Variants in BSN observed in about 807,000 individuals in gnomAD.
BSN encodes bassoon presynaptic cytomatrix protein.
In BSN, 57 loss-of-function variants were observed where a neutral mutation model predicts 264.8. That is an observed-to-expected ratio of 0.22 (90% CI 0.17 to 0.27). BSN has a LOEUF of 0.27. Among genes scored for constraint, BSN ranks in the 10% least tolerant of loss-of-function variants. BSN has a pLI of 1.00. For missense variants in BSN, 4,615 were observed against 5,232.5 expected (o/e 0.88, Z 3.64); for synonymous variants, 2,059 against 2,137.3 (o/e 0.96, Z 1.01).
intron 1 of BSN, among the ~76,000 whole-genome samples, chr3:49,578,423 T>C (rs201785042): frequency 6.8e-6 from 1 of 146,524 alleles, no homozygotes; most frequent in Admixed American, 7.0e-5. Flanking sequence ...TTTTTTTTTT[T>C]ATAAGACGGA....
chr3:49,660,796 C>T lies in BSN; in HGVS notation c.8951C>T (p.Thr2984Ile). 2 of 1,613,196 alleles carry T rather than the reference C, an allele frequency of 1.2e-6. No homozygotes were observed. The highest frequency in any genetic ancestry group is 2.2e-5 in the South Asian group (2 of 91,088). Residue 2984 changes from threonine to isoleucine, a missense_variant, in exon 6 of 12, where the codon ACA becomes ATA. Around this residue, in one of 3 missense-constraint regions of BSN, gnomAD observed 3,415 missense variants for 3,866.4 expected, o/e 0.88. Coordinates refer to ENST00000296452, the MANE Select transcript of BSN (RefSeq NM_003458.4). The surrounding 1 kb of genome is among the most constrained non-coding windows in gnomAD (Gnocchi z 7.1). The stretch of plus-strand genomic sequence containing the variant: ...CTCAAGTACCTGGAGTTGGGTATCA[C>T]ACAACGCAAAGAGTCTTTGGCCAAA... ...AKLKYLELGI[T>I]QRKESLAKDR...
intron 1 of BSN, among the ~76,000 whole-genome samples, chr3:49,602,827 C>T (rs1230219435): frequency 1.3e-5 from 2 of 152,226 alleles, no homozygotes; most frequent in Non-Finnish European, 2.9e-5. Context: ...TGTAAAATGT[C>T]TGTCGCATGC....
intron 1 of BSN, among the ~76,000 whole-genome samples, chr3:49,606,824 A>G (rs1205002613): frequency 1.3e-5 from 2 of 151,982 alleles, no homozygotes; most frequent in East Asian, 3.9e-4. Context: ...ATGCCAAAAT[A>G]TTATTTGCAG....
Position 49,669,659 on chromosome 3 carries a change from C to T in BSN, c.*2174C>T, listed in dbSNP as rs995244287. 3.9e-5 allele frequency: 6 copies of T among 152,298 alleles called. No individual in the cohort carries two copies. The highest frequency in any genetic ancestry group is 2.6e-4 in the Admixed American group (4 of 15,288). 9.4% of individuals were successfully genotyped at this position (152,298 alleles called of 1,614,324 possible). A position where few individuals can be genotyped will look rare whatever the true frequency, so the allele number is the denominator to read the frequency against. ...TGGAGCTAGGGGGTCAATGGATGCT[C>T]AGGAAGAGCTGGGCCTTTGGCACTT... On this transcript the variant is annotated 3_prime_UTR_variant, in exon 12 of 12. Transcript: ENST00000296452.
chr3:49,651,496 C>G lies in BSN; in HGVS notation c.1987-47C>G, dbSNP rs533609888. Reference sequence around the variant, plus strand: ...GACAGGGAGGATTGGGTTCCCACCACGAGCTTTGCCATGGGGAGTCAGTGT... The same window carrying G: ...GACAGGGAGGATTGGGTTCCCACCAGGAGCTTTGCCATGGGGAGTCAGTGT... On this transcript the variant is annotated intron_variant, in intron 4 of 11. Transcript: ENST00000296452. The surrounding 1 kb of genome is among the most constrained non-coding windows in gnomAD (Gnocchi z 5.4). 1 of 1,519,032 alleles carries G rather than the reference C, an allele frequency of 6.6e-7. No individual in the cohort carries two copies. The highest frequency in any genetic ancestry group is 1.3e-5 in the South Asian group (1 of 76,334). 94.1% of individuals were successfully genotyped at this position (1,519,032 alleles called of 1,614,324 possible). A position where few individuals can be genotyped will look rare whatever the true frequency, so the allele number is the denominator to read the frequency against.
chr3:49,632,002 G>A (rs192426500), intron 2 of BSN, among the ~76,000 whole-genome samples: 21 of 152,254 alleles, frequency 1.4e-4, no homozygotes, highest in Non-Finnish European at 2.1e-4. Flanking sequence ...AGTAGAATAC[G>A]TAGCCCAGAA....
intron 1 of BSN, 126 bp downstream of exon 1, chr3:49,554,952 G>T: frequency 1.9e-6 from 1 of 540,296 alleles, no homozygotes; most frequent in Non-Finnish European, 2.7e-6. Context: ...GAACCCTGCC[G>T]GATTGGCGTG....
intron 2 of BSN, among the ~76,000 whole-genome samples, chr3:49,626,740 C>A (rs2052343462): frequency 6.6e-6 from 1 of 152,226 alleles, no homozygotes; most frequent in Non-Finnish European, 1.5e-5. Flanking sequence ...ATGGGACATC[C>A]CCTCCTCATG....
At chr3:49,643,261 C>T (rs2052480698) in intron 3 of BSN, 109 bp downstream of exon 3, 2 of 1,464,290 alleles carry the variant, frequency 1.4e-6, no homozygotes, top group Admixed American at 5.2e-5. Context: ...AGCCATGGGG[C>T]TGCTCCTGTA....
At chr3:49,574,178 G>T (rs1360849036) in intron 1 of BSN, among the ~76,000 whole-genome samples, 1 of 139,076 alleles carries the variant, frequency 7.2e-6, no homozygotes, top group East Asian at 2.1e-4. Context: ...ATGTTGCCCA[G>T]ACTGGTCTTG....
intron 3 of BSN, among the ~76,000 whole-genome samples, chr3:49,645,271 T>C (rs1458515678): frequency 6.6e-6 from 1 of 152,162 alleles, no homozygotes; most frequent in Non-Finnish European, 1.5e-5. Context: ...CTCATAGCTC[T>C]CCCTATCAAT....
At chr3:49,564,182 C>T (rs1559592695) in intron 1 of BSN, among the ~76,000 whole-genome samples, 1 of 152,162 alleles carries the variant, frequency 6.6e-6, no homozygotes, top group African/African-American at 2.4e-5. Context: ...CTCAGCATGT[C>T]ACTTGGACTA....
chr3:49,631,182 C>T (rs945722745), intron 2 of BSN, among the ~76,000 whole-genome samples: 2 of 152,056 alleles, frequency 1.3e-5, no homozygotes, highest in Non-Finnish European at 2.9e-5. Flanking sequence ...CCAAGAACCA[C>T]ACAAGCAAAC....
At chr3:49,605,499 A>AT (rs2052114426) in intron 1 of BSN, among the ~76,000 whole-genome samples, 1 of 5,252 alleles carries the variant, frequency 1.9e-4, no homozygotes, top group African/African-American at 8.0e-4. Flanking sequence ...TATTATATAT[A>AT]ATATATATTA....
At position 49,660,431 on chromosome 3, in the gene BSN, C is replaced by A; in HGVS notation, c.8641-55C>A. 6.6e-7 allele frequency: 1 copy of A among 1,512,656 alleles called. No homozygotes were observed. The highest frequency in any genetic ancestry group is 1.3e-5 in the South Asian group (1 of 74,720). 93.7% of individuals were successfully genotyped at this position (1,512,656 alleles called of 1,614,324 possible). A position where few individuals can be genotyped will look rare whatever the true frequency, so the allele number is the denominator to read the frequency against. ...GCCTGGGTTCTGCCACCCCACACCC[C>A]ATCAAGTCACCACACCTTGGGTCTC... On this transcript the variant is annotated intron_variant, in intron 5 of 11. Coordinates refer to ENST00000296452, the MANE Select transcript of BSN (RefSeq NM_003458.4). This position sits in a 1 kb window ranked among gnomAD's most constrained non-coding sequence, Gnocchi z 7.1.
At chr3:49,587,122 C>T (rs548733039) in intron 1 of BSN, among the ~76,000 whole-genome samples, 1 of 152,136 alleles carries the variant, frequency 6.6e-6, no homozygotes, top group South Asian at 2.1e-4. Context: ...AGATCTTTTA[C>T]TTCTTTGGTT....
chr3:49,607,002 A>T (rs1403530865), intron 1 of BSN, among the ~76,000 whole-genome samples: 1 of 151,998 alleles, frequency 6.6e-6, no homozygotes, highest in Non-Finnish European at 1.5e-5. Context: ...TCAGTTTGCA[A>T]TATTCTCCTT....
chr3:49,660,052 C>G lies in BSN; in HGVS notation c.8641-434C>G, dbSNP rs1422942228. 6.6e-6 allele frequency among the ~76,000 whole-genome samples: 1 copy of G among 152,166 alleles called. No individual in the cohort carries two copies. The highest frequency in any genetic ancestry group is 2.4e-5 in the African/African-American group (1 of 41,420). ...GGCCCAGGACCCTCTCCACTCCATG[C>G]CTCCTGTTCATACTCCACTGATCTC... On this transcript the variant is annotated intron_variant, in intron 5 of 11. Coordinates refer to ENST00000296452, the MANE Select transcript of BSN (RefSeq NM_003458.4). The surrounding 1 kb of genome is among the most constrained non-coding windows in gnomAD (Gnocchi z 7.1).
Position 49,657,771 on chromosome 3 carries a change from G to A in BSN, c.8215G>A (p.Ala2739Thr). 1 of 1,555,808 alleles carries A rather than the reference G, an allele frequency of 6.4e-7. No individual in the cohort carries two copies. The highest frequency in any genetic ancestry group is 8.7e-7 in the Non-Finnish European group (1 of 1,149,170). ...VAGPQLVGPT[A>T]ISPYLPGIQI... The stretch of plus-strand genomic sequence containing the variant: ...CGGGCCGCAGCTTGTAGGGCCAACT[G>A]CCATCAGCCCCTACCTGCCTGGCAT... Residue 2739 changes from alanine to threonine, a missense_variant, in exon 5 of 12, where the codon GCC becomes ACC. By Grantham distance (58) the Ala-to-Thr change is moderately conservative. Transcript: ENST00000296452.
Sources: allele counts gnomAD v4.1 joint callset (sites outside exome capture counted in the v4.1 genomes callset), GRCh38; gene constraint gnomAD v4.1.1; regional missense constraint gnomAD v4.1.1; non-coding constraint Gnocchi (gnomAD v3.1); transcripts MANE v1.5; gene names NCBI Gene and HGNC (gene_info 2026-07-23, HGNC 2026-07-21).